TEX14: variants seen among roughly 807,000 people sequenced by gnomAD.
TEX14 encodes the protein testis expressed 14, intercellular bridge forming factor.
Under a neutral mutation model 178.6 loss-of-function variants are expected in TEX14, and 168 were observed. The ratio of observed to expected loss-of-function variants is 0.94; its 90% confidence interval spans 0.83 to 1.07. The LOEUF is 1.07. Ranked by LOEUF, TEX14 falls within the 50% of genes least tolerant of loss-of-function variation. TEX14 has a pLI of 0.00. For synonymous variants in TEX14, 626 were observed against 634.1 expected (o/e 0.99, Z 0.19); for missense variants, 1,730 against 1,753.6 (o/e 0.99, Z 0.24).
chr17:58,680,106 G>T (rs1003354594), intron 1 of TEX14, among the ~76,000 whole-genome samples: 2 of 151,950 alleles, frequency 1.3e-5, no homozygotes, highest in Non-Finnish European at 2.9e-5. Context: ...CAGAGACAAA[G>T]TCTTGCTTTG....
chr17:58,613,421 T>C lies in TEX14; in HGVS notation c.1005A>G (p.Arg335=), dbSNP rs1175512933. 1 of 1,614,028 alleles carries C rather than the reference T, an allele frequency of 6.2e-7. No individual in the cohort carries two copies. Among genetic ancestry groups the C allele is most frequent in the Admixed American group, 1.7e-5 (1 of 60,004 alleles). Reference sequence around the variant, plus strand: ...AAAATCCACGGAAACAGCAGTTTACTCGTTCATGAAGGACACTGAACAATG... The same window carrying C: ...AAAATCCACGGAAACAGCAGTTTACCCGTTCATGAAGGACACTGAACAATG... The part of the protein sequence containing the change: ...IGTLFSVLHE[R]RSQFPVLHME... Residue 335 remains arginine, a splice_region_variant and synonymous_variant, in exon 9 of 32, where the codon CGA becomes CGG. Transcript: ENST00000349033.
chr17:58,645,715 TC>T (rs2046691212), intron 2 of TEX14, among the ~76,000 whole-genome samples: 1 of 152,210 alleles, frequency 6.6e-6, no homozygotes, highest in Non-Finnish European at 1.5e-5. Flanking sequence ...TAAGGTTGCA[TC>T]TTTTATGTGA....
chr17:58,658,385 G>A (rs1293523579), intron 1 of TEX14, among the ~76,000 whole-genome samples: 3 of 133,832 alleles, frequency 2.2e-5, no homozygotes, highest in Admixed American at 8.0e-5. Context: ...CCTGTGCACC[G>A]GCTTTTTTTT....
intron 15 of TEX14, among the ~76,000 whole-genome samples, chr17:58,589,535 G>A (rs760898109): frequency 2.1e-5 from 3 of 140,412 alleles, no homozygotes; most frequent in Non-Finnish European, 4.5e-5. Flanking sequence ...TCCAGCTTGG[G>A]CAACAGTGCG....
intron 24 of TEX14, among the ~76,000 whole-genome samples, chr17:58,571,266 C>T (rs2044520696): frequency 1.6e-5 from 2 of 127,566 alleles, no homozygotes; most frequent in Admixed American, 1.9e-4. Context: ...GACAGGGTCT[C>T]ACTCTGTCGC....
intron 1 of TEX14, chr17:58,679,695 C>G (rs1403963595): frequency 1.3e-5 from 2 of 152,128 alleles, no homozygotes; most frequent in African/African-American, 4.8e-5. Context: ...AAGTATGAGT[C>G]CCCAGCGCTG....
At chr17:58,686,447 T>A (rs191628241) in intron 1 of TEX14, among the ~76,000 whole-genome samples, 1 of 151,900 alleles carries the variant, frequency 6.6e-6, no homozygotes, top group African/African-American at 2.4e-5. Flanking sequence ...TTAGGCTGAG[T>A]TGGAGGAGAC....
chr17:58,608,364 C>T (rs2045662212), intron 10 of TEX14, among the ~76,000 whole-genome samples: 1 of 151,858 alleles, frequency 6.6e-6, no homozygotes, highest in Admixed American at 6.6e-5. Flanking sequence ...TTGTAGTGAG[C>T]CGAGATCGTG....
chr17:58,666,273 G>T (rs1046615403), intron 1 of TEX14, among the ~76,000 whole-genome samples: 1 of 150,650 alleles, frequency 6.6e-6, no homozygotes, highest in South Asian at 2.1e-4. Context: ...GCTCGAACTC[G>T]GGAGGTGGAG....
At position 58,622,885 on chromosome 17, in the gene TEX14, T is replaced by G. The variant is rs1332936535; in HGVS notation, c.379A>C (p.Thr127Pro). ...TCCTTTCCTGCTGTCAAAGCCCAAGTCTTCGGGTTTTGACCCCTCTCATCG... is the reference window on the plus strand; with the variant it reads ...TCCTTTCCTGCTGTCAAAGCCCAAGGCTTCGGGTTTTGACCCCTCTCATCG... ...LHDERGQNPK[T>P]WALTAGKERS... The change falls in exon 4 of 32, where the codon ACT becomes CCT. Residue 127 changes from threonine (T) to proline (P), a missense_variant. By Grantham distance (38) the Thr-to-Pro change is conservative. Around this residue, in one of 2 missense-constraint regions of TEX14, gnomAD observed 789 missense variants for 681.2 expected, o/e 1.16. Coordinates refer to ENST00000349033, the MANE Select transcript of TEX14 (RefSeq NM_031272.5). The G allele has an allele frequency of 6.2e-7, 1 of 1,612,460 alleles. No individual in the cohort carries two copies. The highest frequency in any genetic ancestry group is 1.7e-4 in the Middle Eastern group (1 of 5,828).
intron 2 of TEX14, among the ~76,000 whole-genome samples, chr17:58,634,465 A>G (rs2046389344): frequency 6.6e-6 from 1 of 152,198 alleles, no homozygotes; most frequent in African/African-American, 2.4e-5. Flanking sequence ...TGGTGAGAGC[A>G]GTACTAGAGG....
At chr17:58,669,715 C>T (rs955160336) in intron 1 of TEX14, among the ~76,000 whole-genome samples, 2 of 113,244 alleles carry the variant, frequency 1.8e-5, no homozygotes, top group African/African-American at 7.1e-5. Context: ...GACTGGGCAA[C>T]AGAGAGAGAC....
chr17:58,632,116 G>T (rs1467364558), intron 2 of TEX14, among the ~76,000 whole-genome samples: 1 of 152,192 alleles, frequency 6.6e-6, no homozygotes, highest in African/African-American at 2.4e-5. Flanking sequence ...TAACGCTGAC[G>T]ACTATAAAGC....
rs145550755 is a variant in TEX14 at position 58,684,678 on chromosome 17, T to C, written c.-2+7261A>G. 5.2e-4 allele frequency among the ~76,000 whole-genome samples: 76 copies of C among 146,120 alleles called. No individual in the cohort carries two copies. The East Asian group carries it at 0.013, about 25-fold the overall frequency. ...ATAAATAAATAAATAAATAAATAAA[T>C]AAAAAGCTTTCTTCCTCCTACCACT... On this transcript the variant is annotated intron_variant, in intron 1 of 31. Coordinates refer to ENST00000349033, the MANE Select transcript of TEX14 (RefSeq NM_031272.5).
At chr17:58,588,978 A>G (rs563949259) in intron 15 of TEX14, among the ~76,000 whole-genome samples, 1 of 152,312 alleles carries the variant, frequency 6.6e-6, no homozygotes, top group South Asian at 2.1e-4. Context: ...TAACTTTTCA[A>G]AAACGCATGA....
At chr17:58,581,705 G>A (rs745886529) in intron 19 of TEX14, 2 of 1,613,098 alleles carry the variant, frequency 1.2e-6, no homozygotes, top group South Asian at 2.2e-5. Context: ...AGACTCTGGT[G>A]AACAAGTTGA....
At chr17:58,679,378 G>C (rs2047451669) in intron 1 of TEX14, 2 of 152,072 alleles carry the variant, frequency 1.3e-5, no homozygotes, top group Admixed American at 1.3e-4. Flanking sequence ...CAACCACGAG[G>C]GGTGTGAGAC....
At chr17:58,578,776 G>T (rs555374466) in intron 20 of TEX14, among the ~76,000 whole-genome samples, 1 of 152,194 alleles carries the variant, frequency 6.6e-6, no homozygotes, top group Admixed American at 6.5e-5. Flanking sequence ...GAGACTTTAA[G>T]TAAAAGTTGA....
intron 28 of TEX14, 24 bp downstream of exon 28, chr17:58,564,845 C>T: frequency 3.5e-6 from 5 of 1,409,754 alleles, no homozygotes; most frequent in Non-Finnish European, 4.9e-6. Flanking sequence ...TAAATCCTTT[C>T]AACAGTCCAG....
Sources: allele counts gnomAD v4.1 joint callset (sites outside exome capture counted in the v4.1 genomes callset), GRCh38; gene constraint gnomAD v4.1.1; regional missense constraint gnomAD v4.1.1; transcripts MANE v1.5; gene names NCBI Gene and HGNC (gene_info 2026-07-23, HGNC 2026-07-21).